Variants in SLC7A5 observed in about 807,000 individuals in gnomAD.
SLC7A5 encodes the protein large neutral amino acids transporter small subunit 1.
SLC7A5 carries 23 observed loss-of-function variants against 50.2 expected under a neutral mutation model. That is an observed-to-expected ratio of 0.46 (90% CI 0.33 to 0.65). The LOEUF (loss-of-function observed/expected upper bound fraction) is 0.65. SLC7A5 is among the 30% of genes least tolerant of loss of function. The probability of loss-of-function intolerance (pLI) is 0.02; values close to 1 mark genes in which losing one functional copy is unlikely to be tolerated. For synonymous variants in SLC7A5, 393 were observed against 330.6 expected (o/e 1.19, Z -2.05); for missense variants, 578 against 684.4 (o/e 0.84, Z 1.73).
chr16:87,859,066 G>A (rs1235998305), intron 1 of SLC7A5, among the ~76,000 whole-genome samples: 1 of 152,204 alleles, frequency 6.6e-6, no homozygotes, highest in Middle Eastern at 3.2e-3. Context: ...CACCTGTCAG[G>A]GATGTTTGAT....
Position 87,840,416 on chromosome 16 carries a change from T to C in SLC7A5, c.815+13A>G, listed in dbSNP as rs763145203. On this transcript the variant is annotated intron_variant, in intron 4 of 9. Transcript: ENST00000261622. The stretch of plus-strand genomic sequence containing the variant: ...TAATGAAAAAAGACGGCTCCATCCA[T>C]TCTTGCACGTACCTGTAGGGGTTGA... The C allele has an allele frequency of 6.2e-7, 1 of 1,607,096 alleles. No individual in the cohort carries two copies. Among genetic ancestry groups the C allele is most frequent in the Non-Finnish European group, 8.5e-7 (1 of 1,173,540 alleles).
At chr16:87,849,807 A>G (rs369240083) in intron 2 of SLC7A5, among the ~76,000 whole-genome samples, 23 of 152,094 alleles carry the variant, frequency 1.5e-4, no homozygotes, top group African/African-American at 5.5e-4. Context: ...TGGCTCTGGT[A>G]CCCCGGGCGA....
intron 5 of SLC7A5, among the ~76,000 whole-genome samples, chr16:87,839,133 GCA>G (rs2055051249): frequency 6.6e-6 from 1 of 152,212 alleles, no homozygotes; most frequent in Non-Finnish European, 1.5e-5. Flanking sequence ...CACAGGCTCA[GCA>G]CGGTGCCCTG....
chr16:87,867,040 C>T (rs1238152945), intron 1 of SLC7A5, among the ~76,000 whole-genome samples: 1 of 151,814 alleles, frequency 6.6e-6, no homozygotes, highest in African/African-American at 2.4e-5. Context: ...ATGCCTCAGA[C>T]TCATAAGCAG....
intron 2 of SLC7A5, among the ~76,000 whole-genome samples, chr16:87,849,860 C>A (rs1291702621): frequency 6.6e-6 from 1 of 152,098 alleles, no homozygotes; most frequent in Non-Finnish European, 1.5e-5. Context: ...GGGATGGGCT[C>A]GAGCTCCTGA....
chr16:87,836,741 GC>G, intron 7 of SLC7A5, 94 bp from the exon 8 acceptor site: 1 of 1,323,420 alleles, frequency 7.6e-7, no homozygotes, highest in Non-Finnish European at 1.1e-6. Flanking sequence ...GCCTGGCTGG[GC>G]CCAGCTGAGC....
intron 3 of SLC7A5, among the ~76,000 whole-genome samples, chr16:87,840,848 G>A (rs1451035967): frequency 6.6e-6 from 1 of 151,952 alleles, no homozygotes; most frequent in Non-Finnish European, 1.5e-5. Context: ...TAGGGCTGCA[G>A]CGGGCGGCCT....
In SLC7A5 at chr16:87,836,603, G is replaced by A. The variant is rs143124103; in HGVS notation, c.1185C>T (p.Ser395=). ...LLYAFSKDIF[S]VINFFSFFNW... is the part of the protein sequence containing the mutation. ...TGAAGAAGCTGAAGAAGTTGATGAC[G>A]GAGAAGATGTCCTTGGAGAAGGCGT... The change falls in exon 8 of 10, where the codon TCC becomes TCT. Residue 395 remains serine (S), a synonymous_variant. Coordinates refer to ENST00000261622, the MANE Select transcript of SLC7A5 (RefSeq NM_003486.7). 2.0e-5 allele frequency: 32 copies of A among 1,613,530 alleles called. No homozygotes were observed. The highest frequency in any genetic ancestry group is 7.7e-5 in the South Asian group (7 of 91,096).
At chr16:87,850,173 G>C (rs189389482) in intron 2 of SLC7A5, among the ~76,000 whole-genome samples, 136 of 152,322 alleles carry the variant, frequency 8.9e-4, no homozygotes, top group African/African-American at 3.2e-3. Flanking sequence ...GAGCAAGGCG[G>C]AGGCTCAGCT....
Position 87,869,169 on chromosome 16 carries a change from G to A in SLC7A5, c.254C>T (p.Ala85Val). Residue 85 changes from alanine to valine, a missense_variant, in exon 1 of 10, where the codon GCG becomes GTG. By Grantham distance (64) the Ala-to-Val change is moderately conservative (BLOSUM62 0). Around this residue, in one of 2 missense-constraint regions of SLC7A5, gnomAD observed 465 missense variants for 594.6 expected, o/e 0.78. Coordinates refer to ENST00000261622, the MANE Select transcript of SLC7A5 (RefSeq NM_003486.7). Reference sequence around the variant, plus strand: ...GCCGCACGCGGCCCACACCACCAGCGCCAGCCCCGGCGAGCCTGCCTCCTT... The same window carrying A: ...GCCGCACGCGGCCCACACCACCAGCACCAGCCCCGGCGAGCCTGCCTCCTT... The part of the protein sequence containing the change: ...VLKEAGSPGL[A>V]LVVWAACGVF... The A allele has an allele frequency of 1.2e-6, 2 of 1,611,932 alleles. No homozygotes were observed. Among genetic ancestry groups the A allele is most frequent in the Non-Finnish European group, 1.7e-6 (2 of 1,179,728 alleles).
At position 87,835,503 on chromosome 16, in the gene SLC7A5, T is replaced by C. The variant is rs549405512; in HGVS notation, c.1291-912A>G. ...TTTTAAAGCCCCTGTTTTTTTTGTT[T>C]GTTTGAGACGGAGTCTCACTCTGTC... On this transcript the variant is annotated intron_variant, in intron 8 of 9. Coordinates refer to ENST00000261622, the MANE Select transcript of SLC7A5 (RefSeq NM_003486.7). 2.0e-5 allele frequency among the ~76,000 whole-genome samples: 3 copies of C among 152,374 alleles called. No homozygotes were observed. The South Asian group carries it at 6.2e-4, about 32-fold the overall frequency.
chr16:87,836,920 T>C (rs942105056), intron 7 of SLC7A5: 2 of 474,258 alleles, frequency 4.2e-6, no homozygotes, highest in African/African-American at 2.0e-5. Context: ...GAGACCACAT[T>C]TGGGTTAAGG....
At chr16:87,837,724 C>T in intron 7 of SLC7A5, 121 bp downstream of exon 7, 1 of 765,258 alleles carries the variant, frequency 1.3e-6, no homozygotes, top group Non-Finnish European at 2.2e-6. Context: ...GGCAGGAGGC[C>T]ACATTTGAGC....
Position 87,850,603 on chromosome 16 carries a change from G to C in SLC7A5, c.664+1121C>G, listed in dbSNP as rs1477780749. ...TCTGGGAGAGAAGAGAAGGAGGCCA[G>C]CTCCTAACTGCTCTGCTCCTAGGCT... On this transcript the variant is annotated intron_variant, in intron 2 of 9. Coordinates refer to ENST00000261622, the MANE Select transcript of SLC7A5 (RefSeq NM_003486.7). Among the ~76,000 whole-genome samples the C allele has an allele frequency of 3.3e-5, 5 of 152,338 alleles. No homozygotes were observed. In the East Asian group the frequency reaches 7.7e-4, roughly 24 times the overall value.
intron 7 of SLC7A5, chr16:87,836,862 A>G (rs1597493830): frequency 1.2e-5 from 5 of 426,436 alleles, no homozygotes; most frequent in South Asian, 4.0e-5. Flanking sequence ...GGCGGGGAGG[A>G]GGGAAGGAGG....
intron 2 of SLC7A5, among the ~76,000 whole-genome samples, chr16:87,843,007 GA>G (rs1236229007): frequency 1.3e-5 from 2 of 152,134 alleles, no homozygotes; most frequent in Non-Finnish European, 2.9e-5. Flanking sequence ...ACAAGTGGGG[GA>G]ATGCAGACCT....
chr16:87,867,527 T>G (rs1255877559), intron 1 of SLC7A5, among the ~76,000 whole-genome samples: 3 of 151,906 alleles, frequency 2.0e-5, no homozygotes, highest in Non-Finnish European at 4.4e-5. Flanking sequence ...CCTCGGGGCA[T>G]TCTCACATTT....
chr16:87,863,019 C>T (rs2055418157), intron 1 of SLC7A5, among the ~76,000 whole-genome samples: 1 of 152,206 alleles, frequency 6.6e-6, no homozygotes, highest in Admixed American at 6.5e-5. Context: ...CGTGACGGCA[C>T]GCCTGGGACT....
chr16:87,864,966 T>C (rs1326871035), intron 1 of SLC7A5, among the ~76,000 whole-genome samples: 1 of 152,244 alleles, frequency 6.6e-6, no homozygotes, highest in Admixed American at 6.5e-5. Flanking sequence ...CAGCCAGAGC[T>C]AATTACCGAA....
Sources: gnomAD v4.1 joint callset for allele counts (sites outside exome capture counted in the v4.1 genomes callset) on GRCh38, gnomAD v4.1.1 for gene constraint, gnomAD v4.1.1 regional missense constraint, MANE v1.5 for transcripts, NCBI Gene and HGNC (gene_info 2026-07-23, HGNC 2026-07-21) for gene names.